PPFIA1: variants seen among roughly 807,000 people sequenced by gnomAD.
PPFIA1 encodes the protein liprin-alpha-1.
PPFIA1 carries 25 observed loss-of-function variants against 149.9 expected under a neutral mutation model. The ratio of observed to expected loss-of-function variants is 0.17; its 90% CI spans 0.12 to 0.23. The LOEUF (loss-of-function observed/expected upper bound fraction) is 0.23. PPFIA1 is among the 10% of genes least tolerant of loss of function. PPFIA1 has a pLI of 1.00. For missense variants in PPFIA1, 1,362 were observed against 1,506.5 expected, an observed-to-expected ratio of 0.90 and a Z score of 1.59; for synonymous variants, 549 against 552.8, an observed-to-expected ratio of 0.99 and a Z score of 0.10.
Position 70,372,461 on chromosome 11 carries a change from C to G in PPFIA1, c.3042-16C>G, listed in dbSNP as rs769874445. 1 of 1,612,884 alleles carries G rather than the reference C, an allele frequency of 6.2e-7. No individual in the cohort carries two copies. Among genetic ancestry groups the G allele is most frequent in the African/African-American group, 1.3e-5 (1 of 74,874 alleles). ...CTGTTACCATCTCTAAATCATCTCT[C>G]TTTTCTTCCAAATAGAAACAGTTTC... On this transcript the variant is annotated splice_polypyrimidine_tract_variant and intron_variant, in intron 22 of 27. Transcript: ENST00000253925.
intron 19 of PPFIA1, among the ~76,000 whole-genome samples, chr11:70,361,430 G>T (rs893214273): frequency 1.3e-5 from 2 of 151,756 alleles, no homozygotes; most frequent in African/African-American, 2.4e-5. Context: ...TACTGTATTG[G>T]TTTTTTTTGT....
At chr11:70,279,917 G>GTGTGTGTGTGTGTGTGTGTGTA (rs1219576112) in intron 2 of PPFIA1, among the ~76,000 whole-genome samples, 2 of 151,506 alleles carry the variant, frequency 1.3e-5, no homozygotes, top group African/African-American at 2.4e-5. Context: ...GTGTGTGTGT[G>GTGTGTGTGTGTGTGTGTGTGTA]TATATTTTTG....
intron 10 of PPFIA1, 37 bp from the exon 11 acceptor site, chr11:70,335,526 A>G: frequency 1.2e-6 from 2 of 1,606,866 alleles, no homozygotes; most frequent in Non-Finnish European, 1.7e-6. Flanking sequence ...TCGAGGATTT[A>G]CGTGAGGTTT....
At chr11:70,301,930 C>G (rs1225016981) in intron 2 of PPFIA1, among the ~76,000 whole-genome samples, 1 of 152,240 alleles carries the variant, frequency 6.6e-6, no homozygotes, top group Non-Finnish European at 1.5e-5. Context: ...ATTCCATATG[C>G]AGTGACCGTG....
At chr11:70,333,376 A>G in intron 9 of PPFIA1, 94 bp from the exon 10 acceptor site, 1 of 934,332 alleles carries the variant, frequency 1.1e-6, no homozygotes. Context: ...CAGCCCACGC[A>G]GAGCATGTTG....
chr11:70,362,098 T>C lies in PPFIA1; in HGVS notation c.2586T>C (p.His862=), dbSNP rs748301426. The C allele has an allele frequency of 4.2e-5, 67 of 1,613,830 alleles. No homozygotes were observed. Among genetic ancestry groups the C allele is most frequent in the Non-Finnish European group, 5.3e-5 (63 of 1,179,868 alleles). Residue 862 remains histidine, a synonymous_variant, in exon 20 of 28, where the codon CAT becomes CAC. Coordinates refer to ENST00000253925, the MANE Select transcript of PPFIA1 (RefSeq NM_003626.5). ...TTCAATATCTTCTCCTTTATAGGCATGAATTGCTGGAGGAAGCCCGGAGAC... is the reference window on the plus strand; with the variant it reads ...TTCAATATCTTCTCCTTTATAGGCACGAATTGCTGGAGGAAGCCCGGAGAC... ...AEKNRKLQKK[H]ELLEEARRQG...
At chr11:70,292,605 G>A (rs927848737) in intron 2 of PPFIA1, among the ~76,000 whole-genome samples, 4 of 152,176 alleles carry the variant, frequency 2.6e-5, no homozygotes, top group Admixed American at 6.5e-5. Context: ...CTGGGTATAT[G>A]GATGTTTGGG....
Position 70,376,585 on chromosome 11 carries a change from TAGA to T in PPFIA1, c.3372_3374del (p.Arg1125del), listed in dbSNP as rs1342835899. ...ACAACCTTTTGGTCATGGGGACTGA[TAGA>T]AGGTTTGATGAAGTAAGTTTTTGGC... On this transcript the variant is annotated inframe_deletion, in exon 25 of 28. Coordinates refer to ENST00000253925, the MANE Select transcript of PPFIA1 (RefSeq NM_003626.5). 3.1e-6 allele frequency: 5 copies of T among 1,613,468 alleles called. No homozygotes were observed. The South Asian group carries it at 3.3e-5, about 11-fold the overall frequency.
At chr11:70,273,462 T>G (rs1267270045) in intron 2 of PPFIA1, among the ~76,000 whole-genome samples, 1 of 152,142 alleles carries the variant, frequency 6.6e-6, no homozygotes, top group Non-Finnish European at 1.5e-5. Flanking sequence ...TTTATGTGTT[T>G]CAGAGCTGTC....
intron 2 of PPFIA1, 143 bp downstream of exon 2, chr11:70,272,579 C>A: frequency 9.7e-7 from 1 of 1,035,736 alleles, no homozygotes; most frequent in Non-Finnish European, 1.4e-6. Flanking sequence ...AAGTCAAATA[C>A]AAAGTTCCTA....
chr11:70,358,703 G>C (rs1246211534), intron 19 of PPFIA1: 1 of 152,186 alleles, frequency 6.6e-6, no homozygotes, highest in African/African-American at 2.4e-5. Flanking sequence ...TACACAGCCA[G>C]ATGCTTTCAC....
At chr11:70,324,007 CT>C (rs1211273730) in intron 2 of PPFIA1, among the ~76,000 whole-genome samples, 2 of 152,228 alleles carry the variant, frequency 1.3e-5, no homozygotes, top group Admixed American at 6.5e-5. Context: ...GGGTGGTGGC[CT>C]TCTAGGCCAT....
intron 7 of PPFIA1, 89 bp downstream of exon 7, chr11:70,326,907 T>A: frequency 1.9e-6 from 2 of 1,064,664 alleles, no homozygotes; most frequent in Non-Finnish European, 2.8e-6. Context: ...GTTTGTCTCT[T>A]ACTCTCCCAA....
chr11:70,362,867 T>A, intron 21 of PPFIA1: 1 of 164,814 alleles, frequency 6.1e-6, no homozygotes, highest in Non-Finnish European at 1.3e-5. Context: ...CTCCAAGCAG[T>A]CCTCCCACCT....
chr11:70,315,350 C>T (rs2053544113), intron 2 of PPFIA1, among the ~76,000 whole-genome samples: 1 of 151,992 alleles, frequency 6.6e-6, no homozygotes, highest in Non-Finnish European at 1.5e-5. Flanking sequence ...CCTCCTGTCC[C>T]CCTTTTATCA....
intron 15 of PPFIA1, among the ~76,000 whole-genome samples, chr11:70,346,636 A>G (rs2055722990): frequency 1.3e-5 from 2 of 152,124 alleles, no homozygotes; most frequent in Non-Finnish European, 2.9e-5. Flanking sequence ...GTTCAGAAAG[A>G]TCGTCTTTCC....
chr11:70,286,871 C>T (rs920147926), intron 2 of PPFIA1, among the ~76,000 whole-genome samples: 1 of 149,918 alleles, frequency 6.7e-6, no homozygotes, highest in African/African-American at 2.5e-5. Flanking sequence ...GCTGGGACTA[C>T]AGGTGTGCGC....
intron 2 of PPFIA1, among the ~76,000 whole-genome samples, chr11:70,302,059 G>GT (rs1431416559): frequency 1.3e-5 from 2 of 152,260 alleles, no homozygotes; most frequent in Non-Finnish European, 2.9e-5. Flanking sequence ...CAGTGAAGCG[G>GT]TGGCTGTGCA....
chr11:70,376,446 T>C, intron 24 of PPFIA1, 86 bp from the exon 25 acceptor site: 1 of 1,337,406 alleles, frequency 7.5e-7, no homozygotes, highest in Non-Finnish European at 1.1e-6. Flanking sequence ...GGAGTTTAAG[T>C]CTTGGTTTAA....
Sources: allele counts gnomAD v4.1 joint callset (sites outside exome capture counted in the v4.1 genomes callset), GRCh38; gene constraint gnomAD v4.1.1; transcripts MANE v1.5; gene names NCBI Gene and HGNC (gene_info 2026-07-23, HGNC 2026-07-21).